Variants in SSPN observed in about 807,000 individuals in gnomAD.
SSPN encodes sarcospan.
SSPN carries 15 observed loss-of-function variants against 19.1 expected under a neutral mutation model. The ratio of observed to expected loss-of-function variants is 0.78; its 90% CI spans 0.52 to 1.21. The LOEUF (loss-of-function observed/expected upper bound fraction) is 1.21. Among genes scored for constraint, SSPN ranks in the 50% most tolerant of loss-of-function variants. The probability of loss-of-function intolerance (pLI) is 0.00; values close to 1 mark genes in which losing one functional copy is unlikely to be tolerated. For synonymous variants in SSPN, 147 were observed against 140.3 expected (o/e 1.05, Z -0.34); for missense variants, 291 against 314.0 (o/e 0.93, Z 0.55).
Position 26,163,438 on chromosome 12 carries a change from G to A in SSPN, c.-31+41286G>A, listed in dbSNP as rs536640538. On this transcript the variant is annotated intron_variant, in intron 1 of 2. Coordinates refer to the SSPN transcript ENST00000538142. ...TGTGCTGCTCTAACAGATTACCTAAGATTGGGTAATTTATAAAGAATAGAA... is the reference window on the plus strand; with the variant it reads ...TGTGCTGCTCTAACAGATTACCTAAAATTGGGTAATTTATAAAGAATAGAA... Among the ~76,000 whole-genome samples the A allele has an allele frequency of 3.3e-5, 5 of 152,260 alleles. No homozygotes were observed. In the South Asian group the frequency reaches 6.2e-4, roughly 19 times the overall value.
intron 1 of SSPN, among the ~76,000 whole-genome samples, chr12:26,138,303 C>T (rs2137403132): frequency 6.6e-6 from 1 of 152,106 alleles, no homozygotes; most frequent in East Asian, 1.9e-4. Context: ...TAAAGATATC[C>T]AAATATGCAA....
chr12:26,232,087 T>C lies in SSPN; in HGVS notation c.*1011T>C. ...GAGCATTTGTAATAGGAAGTGTTTATACAAACAGCACATTTGTGATATGTT... is the reference window on the plus strand; with the variant it reads ...GAGCATTTGTAATAGGAAGTGTTTACACAAACAGCACATTTGTGATATGTT... On this transcript the variant is annotated 3_prime_UTR_variant, in exon 3 of 3. Transcript: ENST00000242729. The C allele has an allele frequency of 1.0e-6, 1 of 985,444 alleles. No individual in the cohort carries two copies. Among genetic ancestry groups the C allele is most frequent in the Non-Finnish European group, 1.2e-6 (1 of 829,926 alleles). The allele number at this position is 985,444 out of a possible 1,614,324, so 61.0% of individuals were successfully genotyped here. A position where few individuals can be genotyped will look rare whatever the true frequency, so the allele number is the denominator to read the frequency against.
intron 1 of SSPN, chr12:26,122,476 A>C: frequency 7.5e-7 from 1 of 1,340,016 alleles, no homozygotes; most frequent in South Asian, 1.7e-5. Flanking sequence ...GGCAGGCAGA[A>C]GGGGGCCGCG....
rs899708317 is a variant in SSPN at position 26,131,841 on chromosome 12, G to C, written c.-31+9689G>C. 2.0e-5 allele frequency among the ~76,000 whole-genome samples: 3 copies of C among 152,210 alleles called. No homozygotes were observed. In the South Asian group the frequency reaches 6.2e-4, roughly 32 times the overall value. On this transcript the variant is annotated intron_variant, in intron 1 of 2. Transcript: ENST00000538142. The stretch of plus-strand genomic sequence containing the variant: ...TTACAGATGAACAAACTCAGGCTCA[G>C]AGACCTTAGGTAACTTGTCTGTTGT...
chr12:26,202,339 G>A (rs1312321467), intron 1 of SSPN, among the ~76,000 whole-genome samples: 5 of 152,170 alleles, frequency 3.3e-5, no homozygotes, highest in Non-Finnish European at 5.9e-5. Flanking sequence ...AGACAACTAT[G>A]AGGTAATAGT....
rs10547333 is a variant in SSPN, at chr12:26,233,331, G to GATATATATATATATATAT, written c.*2257_*2274dup. On this transcript the variant is annotated 3_prime_UTR_variant, in exon 3 of 3. Transcript: ENST00000242729. This position sits in a 1 kb window ranked among gnomAD's most constrained non-coding sequence, Gnocchi z 4.3. ...CTTTATAATAGTATAACCGTCAGGAGATATATATATATATATATACACATA... is the reference window on the plus strand; with the variant it reads ...CTTTATAATAGTATAACCGTCAGGAGATATATATATATATATATATATATATATATATATATACACATA... 2.7e-3 allele frequency: 394 copies of GATATATATATATATATAT among 144,414 alleles called. 3 individuals are homozygous for GATATATATATATATATAT. Among genetic ancestry groups the GATATATATATATATATAT allele is most frequent in the African/African-American group, 0.01 (374 of 36,376 alleles). The allele number at this position is 144,414 out of a possible 1,614,324, so 8.9% of individuals were successfully genotyped here.
chr12:26,197,267 AATTAAG>A (rs1944838416), intron 1 of SSPN, among the ~76,000 whole-genome samples: 2 of 152,354 alleles, frequency 1.3e-5, no homozygotes, highest in African/African-American at 4.8e-5. Flanking sequence ...GGTATTTCCT[AATTAAG>A]ATTATTTGAA....
chr12:26,205,985 C>T (rs541165954), intron 1 of SSPN, among the ~76,000 whole-genome samples: 11 of 152,268 alleles, frequency 7.2e-5, no homozygotes, highest in Admixed American at 5.2e-4. Context: ...TTGAGACCAA[C>T]TAGGAATTTT....
At chr12:26,192,978 G>A (rs560014779), upstream of SSPN, among the ~76,000 whole-genome samples, 13 of 152,224 alleles carry the variant, frequency 8.5e-5, no homozygotes, top group Middle Eastern at 3.4e-3. Flanking sequence ...ACTTTTAATT[G>A]CATGACAATT....
intron 1 of SSPN, among the ~76,000 whole-genome samples, chr12:26,129,695 ATG>A (rs1360183738): frequency 2.0e-5 from 3 of 152,230 alleles, no homozygotes; most frequent in African/African-American, 7.2e-5. Context: ...CTATCAATTA[ATG>A]TGTCTGTAGC....
At chr12:26,211,871 G>C (rs958965893) in intron 1 of SSPN, among the ~76,000 whole-genome samples, 1 of 152,150 alleles carries the variant, frequency 6.6e-6, no homozygotes, top group Non-Finnish European at 1.5e-5. Context: ...TTATCAAGTA[G>C]TTTCAAACAA....
intron 1 of SSPN, among the ~76,000 whole-genome samples, chr12:26,139,020 T>G (rs1944444576): frequency 6.6e-6 from 1 of 152,180 alleles, no homozygotes; most frequent in Non-Finnish European, 1.5e-5. Flanking sequence ...AGCAGTAGTG[T>G]GCTGGTAAAT....
intron 1 of SSPN, among the ~76,000 whole-genome samples, chr12:26,156,681 CG>C (rs1461967913): frequency 6.6e-6 from 1 of 152,172 alleles, no homozygotes; most frequent in African/African-American, 2.4e-5. Context: ...CTGACTGCGA[CG>C]GAAGTTTCAT....
chr12:26,224,279 G>T lies in SSPN; in HGVS notation c.280-14G>T, dbSNP rs746451839. 1 of 1,602,866 alleles carries T rather than the reference G, an allele frequency of 6.2e-7. No individual in the cohort carries two copies. The highest frequency in any genetic ancestry group is 1.1e-5 in the South Asian group (1 of 90,868). On this transcript the variant is annotated splice_polypyrimidine_tract_variant and intron_variant, in intron 1 of 2. Transcript: ENST00000242729. ...ACCCTGATAACATCCTTTCTTCTGT[G>T]TTCTCCCTTGCAGGTCTGCTTAGTG...
chr12:26,194,577 G>C (rs1332031864), upstream of SSPN, among the ~76,000 whole-genome samples: 1 of 152,192 alleles, frequency 6.6e-6, no homozygotes, highest in East Asian at 1.9e-4. Flanking sequence ...GTGGAGACGG[G>C]GTTTCACCAT....
chr12:26,163,025 TTCAAGAC>T (rs1315856896), intron 1 of SSPN, among the ~76,000 whole-genome samples: 2 of 106,072 alleles, frequency 1.9e-5, no homozygotes, highest in African/African-American at 2.9e-5. Context: ...ACGTGTGTGC[TTCAAGAC>T]GTGTGTGTGT....
At chr12:26,219,104 C>T (rs1297570581) in intron 1 of SSPN, among the ~76,000 whole-genome samples, 1 of 152,128 alleles carries the variant, frequency 6.6e-6, no homozygotes, top group African/African-American at 2.4e-5. Context: ...AGAAGAAAAA[C>T]ATTGAAAGGC....
chr12:26,174,962 T>G (rs1944675667), intron 1 of SSPN, among the ~76,000 whole-genome samples: 1 of 152,250 alleles, frequency 6.6e-6, no homozygotes, highest in Non-Finnish European at 1.5e-5. Flanking sequence ...TCAGAATGAT[T>G]ATTTTGCAAT....
At chr12:26,130,816 C>G (rs557311926) in intron 1 of SSPN, among the ~76,000 whole-genome samples, 1 of 152,142 alleles carries the variant, frequency 6.6e-6, no homozygotes, top group Non-Finnish European at 1.5e-5. Context: ...CAAGATCACC[C>G]CATGGTCAGA....
Sources: allele counts gnomAD v4.1 joint callset (sites outside exome capture counted in the v4.1 genomes callset), GRCh38; gene constraint gnomAD v4.1.1; non-coding constraint Gnocchi (gnomAD v3.1); transcripts MANE v1.5; gene names NCBI Gene and HGNC (gene_info 2026-07-23, HGNC 2026-07-21).